The following SH3RF3 variants were observed in gnomAD, a reference collection of about 807,000 sequenced individuals.
The protein encoded by SH3RF3 is SH3 domain containing ring finger 3, also known as E3 ubiquitin-protein ligase SH3RF3.
In SH3RF3, 29 loss-of-function variants were observed where a neutral mutation model predicts 66.3. The observed-to-expected ratio is 0.44, with a 90% CI of 0.33 to 0.60. The LOEUF (loss-of-function observed/expected upper bound fraction) is 0.60. Ranked by LOEUF, SH3RF3 falls within the 20% of genes least tolerant of loss-of-function variation. The probability of loss-of-function intolerance (pLI) is 0.04; values close to 1 mark genes in which losing one functional copy is unlikely to be tolerated. For synonymous variants in SH3RF3, 583 were observed against 532.0 expected, an observed-to-expected ratio of 1.10 and a Z score of -1.32; for missense variants, 1,194 against 1,190.9, an observed-to-expected ratio of 1.00 and a Z score of -0.04.
intron 1 of SH3RF3, among the ~76,000 whole-genome samples, chr2:109,264,017 ACACTCCAGAAGC>A (rs1037194671): frequency 6.6e-6 from 1 of 152,194 alleles, no homozygotes; most frequent in African/African-American, 2.4e-5. Context: ...CCTGGTCAGG[ACACTCCAGAAGC>A]CCTACATGGT....
At chr2:109,203,574 G>A (rs1399179021) in intron 1 of SH3RF3, among the ~76,000 whole-genome samples, 2 of 152,102 alleles carry the variant, frequency 1.3e-5, no homozygotes, top group African/African-American at 2.4e-5. Context: ...CATGTGGTTC[G>A]TCCAGCTCTC....
At chr2:109,227,630 C>T (rs565390596) in intron 1 of SH3RF3, among the ~76,000 whole-genome samples, 35 of 152,186 alleles carry the variant, frequency 2.3e-4, no homozygotes, top group Non-Finnish European at 4.6e-4. Flanking sequence ...TCTGGCCTGG[C>T]CATGCCCACT....
At chr2:109,134,726 C>T (rs879923173) in intron 1 of SH3RF3, among the ~76,000 whole-genome samples, 1 of 152,114 alleles carries the variant, frequency 6.6e-6, no homozygotes, top group Non-Finnish European at 1.5e-5. Context: ...CTTACTCTAC[C>T]ACAGGCTCAG....
chr2:109,200,923 T>G (rs1357057202), intron 1 of SH3RF3, among the ~76,000 whole-genome samples: 2 of 152,120 alleles, frequency 1.3e-5, no homozygotes, highest in Non-Finnish European at 2.9e-5. Flanking sequence ...TGGGTGCTGT[T>G]GGGATAGTGC....
At chr2:109,331,901 C>G (rs1212685066) in intron 1 of SH3RF3, among the ~76,000 whole-genome samples, 3 of 152,212 alleles carry the variant, frequency 2.0e-5, no homozygotes, top group Non-Finnish European at 4.4e-5. Flanking sequence ...CTGCAGTCCA[C>G]TGCCTCTCTG....
chr2:109,367,099 T>A (rs996672296), intron 2 of SH3RF3, among the ~76,000 whole-genome samples: 1 of 149,850 alleles, frequency 6.7e-6, no homozygotes, highest in African/African-American at 2.5e-5. Context: ...ATTACAGGCA[T>A]ATGCCACTGT....
rs571085856 is a variant in SH3RF3 at position 109,349,133 on chromosome 2, T to G, written c.849+1184T>G. Among the ~76,000 whole-genome samples the G allele has an allele frequency of 3.4e-5, 5 of 149,232 alleles. No homozygotes were observed. The South Asian group carries it at 1.1e-3, about 32-fold the overall frequency. On this transcript the variant is annotated intron_variant, in intron 2 of 9. Transcript: ENST00000309415. ...CATCCTTCCTGCCTCTGAGAGGCCA[T>G]TGCTCTCTCCCCCATCTGCTGAGTG...
chr2:109,204,431 C>T (rs1678758588), intron 1 of SH3RF3, among the ~76,000 whole-genome samples: 1 of 152,220 alleles, frequency 6.6e-6, no homozygotes, highest in Non-Finnish European at 1.5e-5. Flanking sequence ...CCTTAAAAAT[C>T]TGCTGTAGTT....
intron 1 of SH3RF3, among the ~76,000 whole-genome samples, chr2:109,261,900 AT>A (rs1262942818): frequency 5.3e-5 from 8 of 151,972 alleles, no homozygotes; most frequent in African/African-American, 1.4e-4. Flanking sequence ...GATACGAGAC[AT>A]GTTGATGCAT....
In SH3RF3 at chr2:109,165,148, G is replaced by C. The variant is rs547602053; in HGVS notation, c.573+35035G>C. On this transcript the variant is annotated intron_variant, in intron 1 of 9. Transcript: ENST00000309415. ...CCTTTAGTAAGGACAAATGAACTTA[G>C]GTCATCAACTTGCTGCCTAAGCCAC... Among the ~76,000 whole-genome samples, 4 of 152,232 alleles carry C rather than the reference G, an allele frequency of 2.6e-5. No individual in the cohort carries two copies. In the East Asian group the frequency reaches 7.7e-4, roughly 29 times the overall value.
chr2:109,405,481 G>A (rs900583231), intron 4 of SH3RF3, among the ~76,000 whole-genome samples: 8 of 152,080 alleles, frequency 5.3e-5, no homozygotes, highest in Non-Finnish European at 1.0e-4. Flanking sequence ...GTGAGCCTGT[G>A]CAGATCTTCT....
At chr2:109,295,551 A>G (rs543440000) in intron 1 of SH3RF3, among the ~76,000 whole-genome samples, 157 of 152,280 alleles carry the variant, frequency 1.0e-3, no homozygotes, top group Non-Finnish European at 2.0e-3. Flanking sequence ...ATGTTGAGAG[A>G]AGGAGGTCTC....
chr2:109,341,042 T>A (rs1682544272), intron 1 of SH3RF3, among the ~76,000 whole-genome samples: 1 of 152,242 alleles, frequency 6.6e-6, no homozygotes, highest in Admixed American at 6.5e-5. Flanking sequence ...CTCGTCACCC[T>A]GTGTTTGAAG....
intron 7 of SH3RF3, among the ~76,000 whole-genome samples, chr2:109,445,383 A>G (rs1677676414): frequency 6.6e-6 from 1 of 152,088 alleles, no homozygotes; most frequent in African/African-American, 2.4e-5. Context: ...AAACATGCTG[A>G]ACTTAAACTT....
At chr2:109,464,138 A>G (rs185723580) in intron 8 of SH3RF3, among the ~76,000 whole-genome samples, 1 of 152,310 alleles carries the variant, frequency 6.6e-6, no homozygotes, top group Non-Finnish European at 1.5e-5. Flanking sequence ...TTCTTCTAAA[A>G]TACTTCCAGG....
chr2:109,145,128 G>A (rs148311900), intron 1 of SH3RF3, among the ~76,000 whole-genome samples: 21 of 152,172 alleles, frequency 1.4e-4, no homozygotes, highest in Non-Finnish European at 2.6e-4. Context: ...CTCTGTCTGT[G>A]TCTCCAGGTT....
At chr2:109,350,474 C>T (rs535384401) in intron 2 of SH3RF3, among the ~76,000 whole-genome samples, 2 of 152,320 alleles carry the variant, frequency 1.3e-5, no homozygotes, top group Admixed American at 6.5e-5. Context: ...TGCTGTGACA[C>T]GACCTTCCTG....
intron 5 of SH3RF3, among the ~76,000 whole-genome samples, chr2:109,421,959 C>T (rs1329874579): frequency 6.6e-6 from 1 of 152,176 alleles, no homozygotes; most frequent in Non-Finnish European, 1.5e-5. Context: ...TTTATTTTAT[C>T]CCCAGAGAGG....
At chr2:109,322,700 A>G (rs1682054191) in intron 1 of SH3RF3, among the ~76,000 whole-genome samples, 1 of 152,212 alleles carries the variant, frequency 6.6e-6, no homozygotes, top group Non-Finnish European at 1.5e-5. Flanking sequence ...GCACCCACAT[A>G]AGTGATTTCT....
Sources: allele counts gnomAD v4.1 joint callset (sites outside exome capture counted in the v4.1 genomes callset), GRCh38; gene constraint gnomAD v4.1.1; transcripts MANE v1.5; gene names NCBI Gene and HGNC (gene_info 2026-07-23, HGNC 2026-07-21).